STPG2: variants seen among roughly 807,000 people sequenced by gnomAD.
STPG2 encodes sperm-tail PG-rich repeat-containing protein 2.
STPG2 carries 56 observed loss-of-function variants against 54.2 expected under a neutral mutation model. That is an observed-to-expected ratio of 1.03 (90% confidence interval 0.83 to 1.29). STPG2 has a LOEUF of 1.29. STPG2 is among the 50% of genes most tolerant of loss of function. The pLI is 0.00. For missense variants in STPG2, 596 were observed against 544.9 expected, an observed-to-expected ratio of 1.09 and a Z score of -0.93; for synonymous variants, 200 against 181.8, an observed-to-expected ratio of 1.10 and a Z score of -0.81.
chr4:97,513,137 T>A (rs929797460), intron 4 of STPG2, among the ~76,000 whole-genome samples: 1 of 152,124 alleles, frequency 6.6e-6, no homozygotes, highest in Admixed American at 6.6e-5. Flanking sequence ...GGAAACAATT[T>A]ACTTACATTT....
chr4:97,638,672 A>C (rs1250676776), intron 10 of STPG2, among the ~76,000 whole-genome samples: 1 of 142,708 alleles, frequency 7.0e-6, no homozygotes, highest in African/African-American at 2.8e-5. Flanking sequence ...ACCCCATCAA[A>C]AAGTGGGCGA....
At chr4:97,788,870 T>C (rs1726904349) in intron 9 of STPG2, among the ~76,000 whole-genome samples, 2 of 152,126 alleles carry the variant, frequency 1.3e-5, no homozygotes, top group African/African-American at 2.4e-5. Context: ...CGATATATCC[T>C]TTGTATCTTT....
intron 8 of STPG2, among the ~76,000 whole-genome samples, chr4:97,928,200 A>T (rs1732405629): frequency 6.6e-6 from 1 of 152,176 alleles, no homozygotes; most frequent in Non-Finnish European, 1.5e-5. Context: ...CTCCTTGGCC[A>T]TAAAAATTAA....
intron 10 of STPG2, among the ~76,000 whole-genome samples, chr4:97,598,846 C>G (rs1396072081): frequency 3.3e-5 from 5 of 152,086 alleles, no homozygotes; most frequent in African/African-American, 4.8e-5. Context: ...AAATACCATT[C>G]TGGACATGGA....
intron 8 of STPG2, among the ~76,000 whole-genome samples, chr4:97,930,811 C>T (rs1173940680): frequency 6.6e-5 from 10 of 152,140 alleles, no homozygotes; most frequent in South Asian, 2.1e-4. Context: ...TATCCATGAG[C>T]GTGGTATGTT....
At chr4:97,636,999 A>G (rs2148940368) in intron 10 of STPG2, among the ~76,000 whole-genome samples, 1 of 152,358 alleles carries the variant, frequency 6.6e-6, no homozygotes, top group African/African-American at 2.4e-5. Context: ...TTATGAGGCC[A>G]GCATCATCCT....
intron 8 of STPG2, among the ~76,000 whole-genome samples, chr4:97,930,693 GT>G (rs1335346050): frequency 6.6e-6 from 1 of 152,022 alleles, no homozygotes; most frequent in Non-Finnish European, 1.5e-5. Context: ...CTTTTTAAAG[GT>G]TTTTTTCTAG....
At chr4:97,920,689 AC>A (rs1732066996) in intron 8 of STPG2, among the ~76,000 whole-genome samples, 1 of 152,194 alleles carries the variant, frequency 6.6e-6, no homozygotes, top group Non-Finnish European at 1.5e-5. Context: ...ACAGCTGACA[AC>A]CTGGCTGAGA....
intron 4 of STPG2, among the ~76,000 whole-genome samples, chr4:97,473,742 G>T (rs1299060876): frequency 6.6e-6 from 1 of 152,014 alleles, no homozygotes; most frequent in African/African-American, 2.4e-5. Flanking sequence ...CGGCTCAGGG[G>T]GCATCACGGA....
chr4:97,793,388 C>T (rs910763256), intron 9 of STPG2, among the ~76,000 whole-genome samples: 8 of 151,512 alleles, frequency 5.3e-5, no homozygotes, highest in African/African-American at 1.2e-4. Flanking sequence ...CACACACACA[C>T]ACACACACAC....
chr4:97,620,212 C>T (rs1359636190), intron 10 of STPG2, among the ~76,000 whole-genome samples: 2 of 152,242 alleles, frequency 1.3e-5, no homozygotes, highest in African/African-American at 2.4e-5. Context: ...ATTATCAATG[C>T]TTAGGATAAT....
intron 7 of STPG2, among the ~76,000 whole-genome samples, chr4:97,959,454 A>C (rs777237359): frequency 3.3e-5 from 5 of 152,152 alleles, no homozygotes; most frequent in Non-Finnish European, 7.4e-5. Context: ...ATAGGCCATT[A>C]GCAAGATTAA....
At chr4:97,550,953 G>T (rs753527151) in intron 4 of STPG2, among the ~76,000 whole-genome samples, 3 of 152,154 alleles carry the variant, frequency 2.0e-5, no homozygotes, top group Non-Finnish European at 4.4e-5. Flanking sequence ...GACCCAAAGA[G>T]TGAGCAGCAG....
At chr4:97,712,186 T>C (rs1560498462) in intron 10 of STPG2, among the ~76,000 whole-genome samples, 1 of 152,128 alleles carries the variant, frequency 6.6e-6, no homozygotes, top group Non-Finnish European at 1.5e-5. Context: ...TAAAGGGCTA[T>C]TGTGAACACA....
At chr4:97,674,610 G>T (rs1198812932) in intron 10 of STPG2, among the ~76,000 whole-genome samples, 1 of 152,100 alleles carries the variant, frequency 6.6e-6, no homozygotes, top group Non-Finnish European at 1.5e-5. Flanking sequence ...CAGAGTTCTA[G>T]AATGCATGAA....
chr4:97,953,186 A>G (rs1464487361), intron 7 of STPG2, among the ~76,000 whole-genome samples: 1 of 152,152 alleles, frequency 6.6e-6, no homozygotes, highest in African/African-American at 2.4e-5. Context: ...CATCAGAGGA[A>G]TTCGTTGGCC....
At chr4:97,738,273 AC>A (rs1725090052) in intron 9 of STPG2, among the ~76,000 whole-genome samples, 1 of 152,202 alleles carries the variant, frequency 6.6e-6, no homozygotes, top group Non-Finnish European at 1.5e-5. Flanking sequence ...AATTGTAAAG[AC>A]CATCGAGGCT....
intron 8 of STPG2, among the ~76,000 whole-genome samples, chr4:97,910,134 C>T (rs1453363788): frequency 2.0e-5 from 3 of 152,140 alleles, no homozygotes; most frequent in Non-Finnish European, 4.4e-5. Flanking sequence ...GATTGTTATG[C>T]AGAGTCCTGT....
chr4:98,036,147 CA>C (rs1309645902), intron 5 of STPG2, among the ~76,000 whole-genome samples: 1 of 151,082 alleles, frequency 6.6e-6, no homozygotes, highest in East Asian at 1.9e-4. Context: ...GAAAAAAAGT[CA>C]AAAAAATAAC....
Sources: allele counts gnomAD v4.1 joint callset (sites outside exome capture counted in the v4.1 genomes callset), GRCh38; gene constraint gnomAD v4.1.1; transcripts MANE v1.5; gene names NCBI Gene and HGNC (gene_info 2026-07-23, HGNC 2026-07-21).